Variants in ABI2 observed in about 807,000 individuals in gnomAD.
ABI2 encodes abl interactor 2, also known as abelson interactor 2.
Under a neutral mutation model 59.2 loss-of-function variants are expected in ABI2, and 25 were observed. The observed-to-expected ratio is 0.42, with a 90% CI of 0.31 to 0.59. The LOEUF (loss-of-function observed/expected upper bound fraction) is 0.59. ABI2 is among the 20% of genes least tolerant of loss of function. The probability of loss-of-function intolerance (pLI) is 0.14; values close to 1 mark genes in which losing one functional copy is unlikely to be tolerated. For missense variants in ABI2, 545 were observed against 681.8 expected (o/e 0.80, Z 2.23); for synonymous variants, 213 against 235.5 (o/e 0.90, Z 0.87).
intron 11 of ABI2, among the ~76,000 whole-genome samples, chr2:203,425,172 A>G (rs148117749): frequency 6.6e-6 from 1 of 151,938 alleles, no homozygotes; most frequent in African/African-American, 2.4e-5. Flanking sequence ...CTGTTACAAC[A>G]GGCTTCATAT....
At chr2:203,335,235 T>C (rs1427242862) in intron 1 of ABI2, among the ~76,000 whole-genome samples, 2 of 152,162 alleles carry the variant, frequency 1.3e-5, no homozygotes, top group Non-Finnish European at 2.9e-5. Flanking sequence ...GCCTATGCAC[T>C]GAATTATTTT....
At chr2:203,333,743 A>G (rs2075075232) in intron 1 of ABI2, among the ~76,000 whole-genome samples, 1 of 152,128 alleles carries the variant, frequency 6.6e-6, no homozygotes, top group South Asian at 2.1e-4. Context: ...TTGCTCTTTT[A>G]AACATTTTGT....
At position 203,411,293 on chromosome 2, in the gene ABI2, G is replaced by T. The variant is rs2097665773; in HGVS notation, c.1201G>T (p.Ala401Ser). Reference sequence around the variant, plus strand: ...CTTTTTTGTTTTTGCAGTATCTCTTGCTCCTCCTCCTCCCTCCATCCTACA... The same window carrying T: ...CTTTTTTGTTTTTGCAGTATCTCTTTCTCCTCCTCCTCCCTCCATCCTACA... ...PFYSQNPVSL[A>S]PPPPSILQVT... The change falls in exon 10 of 12, where the codon GCT becomes TCT. Residue 401 changes from alanine to serine, a missense_variant. Physicochemically the swap from Ala to Ser is moderately conservative, Grantham distance 99. Around this residue, in one of 4 missense-constraint regions of ABI2, gnomAD observed 410 missense variants for 435.6 expected, o/e 0.94. Coordinates refer to ENST00000261018, the MANE Select transcript of ABI2 (RefSeq NM_001375670.1). 1 of 1,613,168 alleles carries T rather than the reference G, an allele frequency of 6.2e-7. No individual in the cohort carries two copies. The highest frequency in any genetic ancestry group is 8.5e-7 in the Non-Finnish European group (1 of 1,179,490).
intron 1 of ABI2, 56 bp downstream of exon 1, chr2:203,328,687 G>A (rs2070182948): frequency 1.6e-5 from 21 of 1,293,290 alleles, no homozygotes; most frequent in Non-Finnish European, 2.2e-5. Flanking sequence ...GGGGCCGCGC[G>A]CCTCGGGGCG....
chr2:203,394,527 CCCTAATGGT>C (rs1201427711), intron 5 of ABI2, 164 bp from the exon 6 acceptor site: 1 of 605,632 alleles, frequency 1.7e-6, no homozygotes, highest in Non-Finnish European at 2.8e-6. Context: ...TTCACCAAAA[CCCTAATGGT>C]GGAGAAGTGA....
intron 2 of ABI2, among the ~76,000 whole-genome samples, chr2:203,374,023 G>A (rs1253069993): frequency 6.6e-6 from 1 of 152,036 alleles, no homozygotes. Flanking sequence ...GCCAGGTGTG[G>A]TGGTGCACAC....
At chr2:203,341,477 G>A (rs1043893758) in intron 1 of ABI2, among the ~76,000 whole-genome samples, 2 of 152,190 alleles carry the variant, frequency 1.3e-5, no homozygotes, top group African/African-American at 4.8e-5. Context: ...CACTTTGGGA[G>A]GCTGAGGCAG....
intron 1 of ABI2, among the ~76,000 whole-genome samples, chr2:203,345,086 C>T (rs1340111259): frequency 1.3e-5 from 2 of 152,206 alleles, no homozygotes; most frequent in Admixed American, 6.5e-5. Context: ...TGGAAGCTTT[C>T]TTCTTAGGCT....
chr2:203,351,758 A>T, intron 1 of ABI2: 2 of 267,704 alleles, frequency 7.5e-6, no homozygotes, highest in Non-Finnish European at 1.5e-5. Context: ...CTGGTCCCAA[A>T]CTCCTGGCCT....
At chr2:203,410,100 TTCTC>T (rs1211059342) in intron 9 of ABI2, among the ~76,000 whole-genome samples, 1 of 152,220 alleles carries the variant, frequency 6.6e-6, no homozygotes, top group African/African-American at 2.4e-5. Flanking sequence ...TTGATTATCT[TTCTC>T]AACCCCTGTC....
At chr2:203,411,801 A>T (rs1205506642) in intron 10 of ABI2, among the ~76,000 whole-genome samples, 1 of 152,204 alleles carries the variant, frequency 6.6e-6, no homozygotes, top group Non-Finnish European at 1.5e-5. Flanking sequence ...CCAGGCTGCC[A>T]GTCTGTCTCC....
At chr2:203,424,158 T>C (rs1261709562) in intron 11 of ABI2, among the ~76,000 whole-genome samples, 2 of 152,340 alleles carry the variant, frequency 1.3e-5, no homozygotes, top group East Asian at 3.9e-4. Flanking sequence ...AAATAAAATC[T>C]AGACAGATTT....
intron 2 of ABI2, among the ~76,000 whole-genome samples, chr2:203,374,519 A>AT (rs71007510): frequency 6.6e-6 from 1 of 151,218 alleles, no homozygotes; most frequent in East Asian, 1.9e-4. Context: ...AAAAAAAAAA[A>AT]GGAATTTCCA....
chr2:203,349,868 G>T (rs1423152407), intron 1 of ABI2, among the ~76,000 whole-genome samples: 1 of 152,066 alleles, frequency 6.6e-6, no homozygotes, highest in East Asian at 1.9e-4. Flanking sequence ...TCATGTACAA[G>T]TTTTTGTGTG....
chr2:203,413,045 G>T (rs1034303483), intron 10 of ABI2, among the ~76,000 whole-genome samples: 9 of 152,180 alleles, frequency 5.9e-5, no homozygotes, highest in African/African-American at 1.9e-4. Flanking sequence ...TACCCTGGGA[G>T]TTTTTTCTGT....
rs141876329 is a variant in ABI2, at chr2:203,337,541, A to T, written c.117+8910A>T. On this transcript the variant is annotated intron_variant, in intron 1 of 11. Coordinates refer to ENST00000261018, the MANE Select transcript of ABI2 (RefSeq NM_001375670.1). ...CCGTGCTCATGAATTGGTAGATTTG[A>T]TATTGTTAACATGTCCATACTACAC... Among the ~76,000 whole-genome samples the T allele has an allele frequency of 4.6e-5, 7 of 152,336 alleles. No individual in the cohort carries two copies. In the East Asian group the frequency reaches 1.3e-3, roughly 29 times the overall value.
chr2:203,388,667 C>T (rs375947285), intron 4 of ABI2, among the ~76,000 whole-genome samples: 274 of 151,862 alleles, frequency 1.8e-3, no homozygotes, highest in African/African-American at 6.2e-3. Context: ...GGTGACAGAG[C>T]GAGACTCTGT....
At chr2:203,401,126 G>A (rs1018279161) in intron 8 of ABI2, among the ~76,000 whole-genome samples, 9 of 151,734 alleles carry the variant, frequency 5.9e-5, no homozygotes, top group Non-Finnish European at 4.4e-5. Flanking sequence ...TTCTCCAGTA[G>A]GCTGACCTCC....
chr2:203,424,016 G>A (rs2098332533), intron 11 of ABI2, among the ~76,000 whole-genome samples: 1 of 152,166 alleles, frequency 6.6e-6, no homozygotes, highest in African/African-American at 2.4e-5. Flanking sequence ...AAAACCAGAT[G>A]TCTAGCATTT....
Sources: gnomAD v4.1 joint callset for allele counts (sites outside exome capture counted in the v4.1 genomes callset) on GRCh38, gnomAD v4.1.1 for gene constraint, gnomAD v4.1.1 regional missense constraint, MANE v1.5 for transcripts, NCBI Gene and HGNC (gene_info 2026-07-23, HGNC 2026-07-21) for gene names.